The following SLC2A13 variants were observed in gnomAD, a reference collection of about 807,000 sequenced individuals.
SLC2A13 encodes the protein solute carrier family 2 member 13.
A neutral mutation model predicts 64.4 loss-of-function variants in SLC2A13; 32 were observed. The ratio of observed to expected loss-of-function variants is 0.50; its 90% CI spans 0.37 to 0.67. SLC2A13 has a LOEUF of 0.67. Among genes scored for constraint, SLC2A13 ranks in the 30% least tolerant of loss-of-function variants. The pLI is 0.00. For missense variants in SLC2A13, 743 were observed against 829.2 expected, an observed-to-expected ratio of 0.90 and a Z score of 1.28; for synonymous variants, 338 against 327.1, an observed-to-expected ratio of 1.03 and a Z score of -0.36.
chr12:40,105,104 AC>A lies in SLC2A13; in HGVS notation c.556+148del. Reference sequence around the variant, plus strand: ...AGAGCCTTGGAGGCTGGACCAACAAACAGATGGGCTCTGGAGGCCAGAGAAG... The same window carrying A: ...AGAGCCTTGGAGGCTGGACCAACAAAAGATGGGCTCTGGAGGCCAGAGAAG... On this transcript the variant is annotated intron_variant, in intron 1 of 9. Coordinates refer to ENST00000280871, the MANE Select transcript of SLC2A13 (RefSeq NM_052885.4). This position sits in a 1 kb window ranked among gnomAD's most constrained non-coding sequence, Gnocchi z 4.2. The A allele has an allele frequency of 7.2e-7, 1 of 1,383,458 alleles. No homozygotes were observed. Among genetic ancestry groups the A allele is most frequent in the Non-Finnish European group, 9.3e-7 (1 of 1,073,342 alleles). 85.7% of individuals were successfully genotyped at this position (1,383,458 alleles called of 1,614,324 possible).
chr12:40,058,559 C>T (rs1048029489), intron 1 of SLC2A13, among the ~76,000 whole-genome samples: 8 of 152,042 alleles, frequency 5.3e-5, no homozygotes, highest in Non-Finnish European at 1.0e-4. Flanking sequence ...AGAGAGGGAA[C>T]GTCATTTGAT....
chr12:40,047,424 T>A, intron 2 of SLC2A13, among the ~76,000 whole-genome samples: 1 of 152,204 alleles, frequency 6.6e-6, no homozygotes, highest in Non-Finnish European at 1.5e-5. Context: ...AACAGTTACA[T>A]GAGTACTATA....
chr12:39,859,691 T>G (rs1943707155), intron 6 of SLC2A13, among the ~76,000 whole-genome samples: 1 of 151,820 alleles, frequency 6.6e-6, no homozygotes, highest in South Asian at 2.1e-4. Context: ...CCTGGCTAAT[T>G]TTTTTTTGTA....
rs1940280422 is a variant in SLC2A13 at position 39,764,540 on chromosome 12, C to T, written c.1640G>A (p.Cys547Tyr). The T allele has an allele frequency of 5.6e-6, 9 of 1,612,082 alleles. No individual in the cohort carries two copies. The highest frequency in any genetic ancestry group is 1.3e-5 in the African/African-American group (1 of 74,890). Residue 547 changes from cysteine to tyrosine, a missense_variant, in exon 9 of 10, where the codon TGT becomes TAT. By Grantham distance (194) the Cys-to-Tyr change is radical. Transcript: ENST00000280871. ...GAAAATCCAGTTTATTCCAGATGAA[C>T]ATGCATTTCCTGTACTTCTTGCCCA... ...PLWARSTGNA[C>Y]SSGINWIFNV...
chr12:39,938,467 A>G (rs1249421260), intron 4 of SLC2A13, among the ~76,000 whole-genome samples: 1 of 149,646 alleles, frequency 6.7e-6, no homozygotes, highest in Non-Finnish European at 1.5e-5. Flanking sequence ...TAGGGATTTG[A>G]ATGTACAGCA....
chr12:40,037,492 G>A (rs1167510775), intron 2 of SLC2A13, among the ~76,000 whole-genome samples: 2 of 151,792 alleles, frequency 1.3e-5, no homozygotes, highest in Admixed American at 1.3e-4. Flanking sequence ...GGTTGCATGT[G>A]CCTGTGGTCC....
At chr12:39,880,516 C>T (rs1944313455) in intron 4 of SLC2A13, among the ~76,000 whole-genome samples, 1 of 152,046 alleles carries the variant, frequency 6.6e-6, no homozygotes, top group African/African-American at 2.4e-5. Context: ...ACATACTAGT[C>T]AATTGTATCA....
intron 7 of SLC2A13, among the ~76,000 whole-genome samples, chr12:39,798,349 T>A (rs1468476145): frequency 6.6e-6 from 1 of 152,168 alleles, no homozygotes; most frequent in East Asian, 1.9e-4. Context: ...GTTCATTGTT[T>A]GAAGTTGTTA....
intron 1 of SLC2A13, among the ~76,000 whole-genome samples, chr12:40,060,234 T>A (rs1025570262): frequency 3.3e-5 from 5 of 152,122 alleles, no homozygotes; most frequent in Non-Finnish European, 7.4e-5. Flanking sequence ...ATGATAGGTA[T>A]ATGGCTAAAG....
intron 4 of SLC2A13, among the ~76,000 whole-genome samples, chr12:39,928,345 T>G (rs528888403): frequency 2.6e-5 from 4 of 152,172 alleles, no homozygotes; most frequent in Non-Finnish European, 5.9e-5. Context: ...AATATGCAAA[T>G]GTACTTACTC....
intron 9 of SLC2A13, among the ~76,000 whole-genome samples, chr12:39,763,194 T>C (rs533713020): frequency 2.6e-5 from 4 of 152,086 alleles, no homozygotes; most frequent in Non-Finnish European, 5.9e-5. Context: ...CAGCTGAATA[T>C]ACTAAATATA....
Position 40,105,054 on chromosome 12 carries a change from C to G in SLC2A13, c.556+199G>C, listed in dbSNP as rs540328016. ...AGGGAGACTAGAGTGACACCCCCTC[C>G]CCCCCGACCCTCCCACCTCCCGGGA... On this transcript the variant is annotated intron_variant, in intron 1 of 9. Transcript: ENST00000280871. This position sits in a 1 kb window ranked among gnomAD's most constrained non-coding sequence, Gnocchi z 4.2. Among the ~76,000 whole-genome samples the G allele has an allele frequency of 5.3e-5, 8 of 152,138 alleles. No individual in the cohort carries two copies. The highest frequency in any genetic ancestry group is 1.7e-4 in the African/African-American group (7 of 41,524).
intron 1 of SLC2A13, among the ~76,000 whole-genome samples, chr12:40,066,994 A>G (rs1937752311): frequency 6.6e-6 from 1 of 152,288 alleles, no homozygotes; most frequent in Non-Finnish European, 1.5e-5. Context: ...TGGCATATAG[A>G]CAGAACATGT....
chr12:40,099,088 C>T (rs1939059725), intron 1 of SLC2A13, among the ~76,000 whole-genome samples: 1 of 152,202 alleles, frequency 6.6e-6, no homozygotes, highest in African/African-American at 2.4e-5. Context: ...AAAGGCCTAA[C>T]TAGAAAGCAT....
intron 2 of SLC2A13, among the ~76,000 whole-genome samples, chr12:40,031,893 C>G (rs1413490420): frequency 6.6e-6 from 1 of 152,180 alleles, no homozygotes; most frequent in East Asian, 1.9e-4. Flanking sequence ...TACCAGTCCT[C>G]TAAATCCAAG....
At chr12:39,994,158 G>C (rs953399332) in intron 3 of SLC2A13, among the ~76,000 whole-genome samples, 1 of 152,044 alleles carries the variant, frequency 6.6e-6, no homozygotes, top group Admixed American at 6.6e-5. Context: ...GGGAGGCTGA[G>C]GTGGACGGAT....
chr12:39,859,803 C>T (rs560847803), intron 6 of SLC2A13, among the ~76,000 whole-genome samples: 7 of 151,926 alleles, frequency 4.6e-5, no homozygotes, highest in East Asian at 1.9e-4. Flanking sequence ...TGGGATTACA[C>T]GCCTGAGCCA....
rs116999384 is a variant in SLC2A13, at chr12:39,891,342, C to T, written c.1035-19381G>A. ...GAACTCTCAGCAACTGGAGGAGGGA[C>T]CCGCACTGTTTCACTCCTCATTGCC... is the stretch of plus-strand genomic sequence containing the variant. On this transcript the variant is annotated intron_variant, in intron 4 of 9. Coordinates refer to ENST00000280871, the MANE Select transcript of SLC2A13 (RefSeq NM_052885.4). 2.7e-4 allele frequency among the ~76,000 whole-genome samples: 41 copies of T among 151,794 alleles called. No homozygotes were observed. In the East Asian group the frequency reaches 6.4e-3, roughly 24 times the overall value.
intron 4 of SLC2A13, among the ~76,000 whole-genome samples, chr12:39,942,340 G>A (rs1946046092): frequency 6.6e-6 from 1 of 152,210 alleles, no homozygotes. Flanking sequence ...ACCCATCCAT[G>A]AGCATGGGAT....
Sources: allele counts gnomAD v4.1 joint callset (sites outside exome capture counted in the v4.1 genomes callset), GRCh38; gene constraint gnomAD v4.1.1; non-coding constraint Gnocchi (gnomAD v3.1); transcripts MANE v1.5; gene names NCBI Gene and HGNC (gene_info 2026-07-23, HGNC 2026-07-21).